Variants in PAOX observed in about 807,000 individuals in gnomAD.
The protein encoded by PAOX is polyamine oxidase.
A neutral mutation model predicts 39.0 loss-of-function variants in PAOX; 38 were observed. That is an observed-to-expected ratio of 0.97 (90% CI 0.75 to 1.28). The LOEUF (loss-of-function observed/expected upper bound fraction) is 1.28. Among genes scored for constraint, PAOX ranks in the 50% most tolerant of loss-of-function variants. The pLI is 0.00. For synonymous variants in PAOX, 311 were observed against 314.4 expected, an observed-to-expected ratio of 0.99 and a Z score of 0.11; for missense variants, 667 against 685.7, an observed-to-expected ratio of 0.97 and a Z score of 0.30.
At chr10:133,387,211 G>A (rs943002163) in intron 4 of PAOX, among the ~76,000 whole-genome samples, 23 of 152,030 alleles carry the variant, frequency 1.5e-4, no homozygotes, top group Non-Finnish European at 2.5e-4. Flanking sequence ...CCCAGGAGGC[G>A]GAGGTTGCAG....
In PAOX at chr10:133,384,203, C is replaced by T. The variant is rs1849474979; in HGVS notation, c.1112C>T (p.Pro371Leu). ...FRKLIGFVVL[P>L]AFASVHVLCG... ...AAGCTCATTGGCTTTGTGGTCCTGC[C>T]TGCCTTTGCGTACGTTTGCTCCCTG... Residue 371 changes from proline to leucine, a missense_variant, in exon 4 of 7, where the codon CCT becomes CTT. By Grantham distance (98) the Pro-to-Leu change is moderately conservative. Transcript: ENST00000278060. The surrounding 1 kb of genome is among the most constrained non-coding windows in gnomAD (Gnocchi z 4.3). The T allele has an allele frequency of 6.2e-7, 1 of 1,613,552 alleles. No homozygotes were observed. The highest frequency in any genetic ancestry group is 8.5e-7 in the Non-Finnish European group (1 of 1,179,862).
chr10:133,389,688 A>T lies in PAOX; in HGVS notation c.1333A>T (p.Thr445Ser), dbSNP rs201359473. 1.2e-6 allele frequency: 2 copies of T among 1,604,830 alleles called. No homozygotes were observed. The highest frequency in any genetic ancestry group is 3.4e-5 in the Admixed American group (2 of 59,370). ...GSYSYVAVGS[T>S]GGDLDLLAQP... is the part of the protein sequence containing the mutation. The stretch of plus-strand genomic sequence containing the variant: ...CTACAGCTACGTGGCCGTGGGCAGT[A>T]CTGGGGGCGACCTGGACCTGCTGGC... Residue 445 changes from threonine (T) to serine (S), a missense_variant, in exon 6 of 7, where the codon ACT becomes TCT. Coordinates refer to ENST00000278060, the MANE Select transcript of PAOX (RefSeq NM_152911.4).
rs767816632 is a variant in PAOX at position 133,380,370 on chromosome 10, A to G, written c.553A>G (p.Asn185Asp). The G allele has an allele frequency of 1.9e-6, 3 of 1,612,790 alleles. No homozygotes were observed. Among genetic ancestry groups the G allele is most frequent in the Middle Eastern group, 1.6e-4 (1 of 6,084 alleles). Residue 185 changes from asparagine to aspartate, a missense_variant, in exon 2 of 7, where the codon AAC becomes GAC. Coordinates refer to ENST00000278060, the MANE Select transcript of PAOX (RefSeq NM_152911.4). ...ETRKLKLAVL[N>D]SFFNLECCVS... ...CAGGAAGCTGAAGCTGGCCGTCCTG[A>G]ACTCCTTCTTCAACCTGGAATGCTG...
rs117853928 is a variant in PAOX, at chr10:133,385,525, G to T, written c.1121+1313G>T. Among the ~76,000 whole-genome samples, 989 of 152,308 alleles carry T rather than the reference G, an allele frequency of 6.5e-3. 10 individuals carry two copies. The highest frequency in any genetic ancestry group is 0.034 in the Middle Eastern group (10 of 294). On this transcript the variant is annotated intron_variant, in intron 4 of 6. Coordinates refer to ENST00000278060, the MANE Select transcript of PAOX (RefSeq NM_152911.4). ...TTTTATATACCTGCAAAGGGTTGGG[G>T]ATCTCAAAGAGCTTTTGTTTATGTG... is the stretch of plus-strand genomic sequence containing the variant.
chr10:133,379,307 G>C lies in PAOX; in HGVS notation c.-10G>C, dbSNP rs1049460248. 5.8e-5 allele frequency: 70 copies of C among 1,214,134 alleles called. No homozygotes were observed. The highest frequency in any genetic ancestry group is 4.3e-4 in the East Asian group (13 of 30,288). The allele number at this position is 1,214,134 out of a possible 1,614,324, so 75.2% of individuals were successfully genotyped here. A position where few individuals can be genotyped will look rare whatever the true frequency, so the allele number is the denominator to read the frequency against. On this transcript the variant is annotated 5_prime_UTR_variant, in exon 1 of 7. Coordinates refer to ENST00000278060, the MANE Select transcript of PAOX (RefSeq NM_152911.4). Reference sequence around the variant, plus strand: ...CTACTCAGAAGCCCTCGGACTGCCCGGACCGCGCGATGGAGTCGACCGGCA... The same window carrying C: ...CTACTCAGAAGCCCTCGGACTGCCCCGACCGCGCGATGGAGTCGACCGGCA...
In PAOX at chr10:133,389,836, G is replaced by A. The variant is rs931653757; in HGVS notation, c.1392+89G>A. The A allele has an allele frequency of 6.8e-6, 9 of 1,314,126 alleles. No individual in the cohort carries two copies. In the African/African-American group the frequency reaches 9.2e-5, roughly 13 times the overall value. The allele number at this position is 1,314,126 out of a possible 1,614,324, so 81.4% of individuals were successfully genotyped here. On this transcript the variant is annotated intron_variant, in intron 6 of 6. Coordinates refer to ENST00000278060, the MANE Select transcript of PAOX (RefSeq NM_152911.4). ...CGCTGCAGGAGCACCAGCCAGTGGC[G>A]GGTGGGCTGGGATCCCAGACTCGGA... is the stretch of plus-strand genomic sequence containing the variant.
Position 133,380,325 on chromosome 10 carries a change from T to C in PAOX, c.508T>C (p.Trp170Arg), listed in dbSNP as rs369068478. The C allele has an allele frequency of 2.5e-6, 4 of 1,612,780 alleles. No individual in the cohort carries two copies. In the African/African-American group the frequency reaches 4.0e-5, roughly 16 times the overall value. ...GGAGATTGGCCAGCACGTGGCCGGC[T>C]GGACAGAGGATGAGGAGACCAGGAA... ...KKEIGQHVAG[W>R]TEDEETRKLK... Residue 170 changes from tryptophan (W) to arginine (R), a missense_variant, in exon 2 of 7, where the codon TGG becomes CGG. Coordinates refer to ENST00000278060, the MANE Select transcript of PAOX (RefSeq NM_152911.4).
In PAOX at chr10:133,380,223, G is replaced by A. The variant is rs775971773; in HGVS notation, c.406G>A (p.Gly136Ser). The A allele has an allele frequency of 1.2e-6, 2 of 1,612,862 alleles. No homozygotes were observed. The highest frequency in any genetic ancestry group is 1.1e-5 in the South Asian group (1 of 91,082). The change falls in exon 2 of 7, where the codon GGC (glycine) becomes AGC (serine). Residue 136 changes from glycine to serine, a missense_variant. Gly to Ser is a moderately conservative substitution (Grantham distance 56). Coordinates refer to ENST00000278060, the MANE Select transcript of PAOX (RefSeq NM_152911.4). ...LVAEMATLFYGLIDQTREFLH... is the reference protein window; with the variant it reads ...LVAEMATLFYSLIDQTREFLH... ...GGCGGAGATGGCGACTCTGTTCTACGGCCTGATAGACCAGACCCGGGAGTT... is the reference window on the plus strand; with the variant it reads ...GGCGGAGATGGCGACTCTGTTCTACAGCCTGATAGACCAGACCCGGGAGTT...
chr10:133,380,366 C>T lies in PAOX; in HGVS notation c.549C>T (p.Val183=). Residue 183 remains valine (V), a synonymous_variant, in exon 2 of 7, where the codon GTC becomes GTT. Coordinates refer to ENST00000278060, the MANE Select transcript of PAOX (RefSeq NM_152911.4). Reference sequence around the variant, plus strand: ...AGACCAGGAAGCTGAAGCTGGCCGTCCTGAACTCCTTCTTCAACCTGGAAT... The same window carrying T: ...AGACCAGGAAGCTGAAGCTGGCCGTTCTGAACTCCTTCTTCAACCTGGAAT... ...DEETRKLKLA[V]LNSFFNLECC... The T allele has an allele frequency of 6.2e-7, 1 of 1,612,934 alleles. No individual in the cohort carries two copies. Among genetic ancestry groups the T allele is most frequent in the Non-Finnish European group, 8.5e-7 (1 of 1,180,042 alleles).
At chr10:133,387,782 G>A (rs192300863) in intron 4 of PAOX, among the ~76,000 whole-genome samples, 4 of 152,284 alleles carry the variant, frequency 2.6e-5, no homozygotes, top group East Asian at 1.9e-4. Context: ...GAGCAGTGGC[G>A]CGATCTTGGC....
Position 133,380,296 on chromosome 10 carries a change from A to G in PAOX, c.479A>G (p.Lys160Arg), listed in dbSNP as rs371742336. The G allele has an allele frequency of 6.2e-6, 10 of 1,612,798 alleles. No individual in the cohort carries two copies. The highest frequency in any genetic ancestry group is 1.7e-5 in the Admixed American group (1 of 60,006). ...GTGCCCAGCGTCGGGGAGTACCTCA[A>G]GAAGGAGATTGGCCAGCACGTGGCC... The part of the protein sequence containing the change: ...TPVPSVGEYL[K>R]KEIGQHVAGW... Residue 160 changes from lysine to arginine, a missense_variant, in exon 2 of 7, where the codon AAG (lysine) becomes AGG (arginine). Lys to Arg is a conservative substitution (Grantham distance 26, BLOSUM62 2). Coordinates refer to ENST00000278060, the MANE Select transcript of PAOX (RefSeq NM_152911.4).
chr10:133,389,676 G>A lies in PAOX; in HGVS notation c.1321G>A (p.Ala441Thr), dbSNP rs146846847. The part of the protein sequence containing the change: ...PYTRGSYSYV[A>T]VGSTGGDLDL... ...CACTAGGGGGTCCTACAGCTACGTG[G>A]CCGTGGGCAGTACTGGGGGCGACCT... is the stretch of plus-strand genomic sequence containing the variant. The change falls in exon 6 of 7, where the codon GCC becomes ACC. Residue 441 changes from alanine to threonine, a missense_variant. By Grantham distance (58) the Ala-to-Thr change is moderately conservative. Transcript: ENST00000278060. 39 of 1,611,630 alleles carry A rather than the reference G, an allele frequency of 2.4e-5. No individual in the cohort carries two copies. The highest frequency in any genetic ancestry group is 3.2e-5 in the Non-Finnish European group (38 of 1,178,992).
At chr10:133,389,569 T>G in intron 5 of PAOX, 21 bp from the exon 6 acceptor site, 1 of 1,613,840 alleles carries the variant, frequency 6.2e-7, no homozygotes, top group Non-Finnish European at 8.5e-7. Context: ...TCGGTTAACA[T>G]GCAGTGTCTC....
chr10:133,386,018 C>CT (rs60370984), intron 4 of PAOX, among the ~76,000 whole-genome samples: 108,731 of 141,382 alleles, frequency 0.77, 43,016 homozygotes, highest in East Asian at 0.96. Context: ...TTCTGCAAAA[C>CT]TTTTTTTTTT....
Position 133,384,349 on chromosome 10 carries a change from C to T in PAOX, c.1121+137C>T, listed in dbSNP as rs552604500. 1.7e-5 allele frequency: 23 copies of T among 1,358,744 alleles called. No homozygotes were observed. Among genetic ancestry groups the T allele is most frequent in the Admixed American group, 1.4e-4 (6 of 42,976 alleles). The allele number at this position is 1,358,744 out of a possible 1,614,324, so 84.2% of individuals were successfully genotyped here. ...GGTAGGGTTCCCATGAGCGCCCCCCCACCAGGTGCTGGCTGCACCTGGGCC... is the reference window on the plus strand; with the variant it reads ...GGTAGGGTTCCCATGAGCGCCCCCCTACCAGGTGCTGGCTGCACCTGGGCC... On this transcript the variant is annotated intron_variant, in intron 4 of 6. Transcript: ENST00000278060. This position sits in a 1 kb window ranked among gnomAD's most constrained non-coding sequence, Gnocchi z 4.3.
At chr10:133,379,576 C>G in intron 1 of PAOX, 79 bp downstream of exon 1, 1 of 1,142,550 alleles carries the variant, frequency 8.8e-7, no homozygotes, top group Non-Finnish European at 1.1e-6. Context: ...GCCCTGCGCG[C>G]AGCCGACCTG....
Position 133,383,951 on chromosome 10 carries a change from G to C in PAOX, c.869-9G>C, listed in dbSNP as rs1415749979. On this transcript the variant is annotated splice_polypyrimidine_tract_variant and intron_variant, in intron 3 of 6. Transcript: ENST00000278060. Reference sequence around the variant, plus strand: ...TGTGATGTAAGAAGAGTCCAATTCTGAATTCCAGGTTTTCTTAGGGAACAT... The same window carrying C: ...TGTGATGTAAGAAGAGTCCAATTCTCAATTCCAGGTTTTCTTAGGGAACAT... The C allele has an allele frequency of 6.2e-7, 1 of 1,610,692 alleles. No individual in the cohort carries two copies. Among genetic ancestry groups the C allele is most frequent in the Non-Finnish European group, 8.5e-7 (1 of 1,178,046 alleles).
chr10:133,388,634 G>A (rs1035241403), intron 4 of PAOX, among the ~76,000 whole-genome samples: 2 of 152,214 alleles, frequency 1.3e-5, no homozygotes, highest in Non-Finnish European at 1.5e-5. Flanking sequence ...CTGTCTTAGC[G>A]TCTGAAGATG....
Position 133,381,675 on chromosome 10 carries a change from A to G in PAOX, c.868+16A>G. The G allele has an allele frequency of 6.2e-7, 1 of 1,611,876 alleles. No individual in the cohort carries two copies. Among genetic ancestry groups the G allele is most frequent in the Non-Finnish European group, 8.5e-7 (1 of 1,179,372 alleles). On this transcript the variant is annotated intron_variant, in intron 3 of 6. Coordinates refer to ENST00000278060, the MANE Select transcript of PAOX (RefSeq NM_152911.4). ...GTGCCCTTAGGTAGGTCAGGTTTTCAGCCCAAACCCCCATCCCAAGTGCCC... is the reference window on the plus strand; with the variant it reads ...GTGCCCTTAGGTAGGTCAGGTTTTCGGCCCAAACCCCCATCCCAAGTGCCC...
Sources: allele counts gnomAD v4.1 joint callset (sites outside exome capture counted in the v4.1 genomes callset), GRCh38; gene constraint gnomAD v4.1.1; non-coding constraint Gnocchi (gnomAD v3.1); transcripts MANE v1.5; gene names NCBI Gene and HGNC (gene_info 2026-07-23, HGNC 2026-07-21).